Variants in ZSCAN25 observed in about 807,000 individuals in gnomAD.
The protein encoded by ZSCAN25 is zinc finger and SCAN domain containing 25.
Under a neutral mutation model 38.7 loss-of-function variants are expected in ZSCAN25, and 27 were observed. The ratio of observed to expected loss-of-function variants is 0.70; its 90% CI spans 0.51 to 0.96. The LOEUF is 0.96. Among genes scored for constraint, ZSCAN25 ranks in the 40% least tolerant of loss-of-function variants. ZSCAN25 has a pLI of 0.00. For synonymous variants in ZSCAN25, 273 were observed against 277.7 expected (o/e 0.98, Z 0.17); for missense variants, 637 against 705.9 (o/e 0.90, Z 1.11).
the ZSCAN25 span, chr7:99,679,862 C>T: frequency 1.9e-6 from 3 of 1,614,114 alleles, no homozygotes; most frequent in African/African-American, 4.0e-5. Flanking sequence ...CAGGAGAAGC[C>T]AGGTTTCCAC....
chr7:99,672,005 A>C, the ZSCAN25 span: 1 of 587,584 alleles, frequency 1.7e-6, no homozygotes, highest in Middle Eastern at 3.8e-4. Context: ...GTACTATAGT[A>C]TTAGGTTGGT....
At chr7:99,713,381 C>T in the ZSCAN25 span, 37 of 1,586,564 alleles carry the variant, frequency 2.3e-5, no homozygotes, top group Admixed American at 5.0e-5. Flanking sequence ...AAATTCTCAT[C>T]TACCTGGAAT....
In ZSCAN25 at chr7:99,622,215, G is replaced by A. The variant is rs371224110; in HGVS notation, c.590-334G>A. The A allele has an allele frequency of 2.4e-4, 73 of 299,340 alleles. No individual in the cohort carries two copies. The East Asian group carries it at 3.4e-3, about 14-fold the overall frequency. 18.5% of individuals were successfully genotyped at this position (299,340 alleles called of 1,614,324 possible). ...GCTGGGATTACAGGCATGAGCCACC[G>A]CGCCCAGCCCACGTAGCTTTATTTT... On this transcript the variant is annotated intron_variant, in intron 5 of 7. Transcript: ENST00000394152.
chr7:99,644,726 C>A, the ZSCAN25 span, among the ~76,000 whole-genome samples: 2 of 152,148 alleles, frequency 1.3e-5, no homozygotes, highest in Non-Finnish European at 2.9e-5. Flanking sequence ...ATTATGATAG[C>A]CGATTTCCTG....
chr7:99,713,456 A>G, the ZSCAN25 span: 20 of 1,612,840 alleles, frequency 1.2e-5, no homozygotes, highest in East Asian at 4.5e-4. Context: ...CCTCAGAAGC[A>G]CTCTTTTGTT....
the ZSCAN25 span, chr7:99,709,324 A>T: frequency 1.6e-5 from 25 of 1,571,342 alleles, no homozygotes; most frequent in South Asian, 2.4e-4. Flanking sequence ...AACTCAGTCC[A>T]TGTAGTACTG....
chr7:99,700,023 G>T, the ZSCAN25 span: 1 of 1,610,494 alleles, frequency 6.2e-7, no homozygotes, highest in Non-Finnish European at 8.5e-7. Flanking sequence ...CCAAATTTGG[G>T]ATGAGGTCCA....
At chr7:99,708,985 G>A in the ZSCAN25 span, 6 of 1,593,344 alleles carry the variant, frequency 3.8e-6, no homozygotes, top group Admixed American at 3.3e-5. Flanking sequence ...GGCAGAATAT[G>A]CTTGAACCAG....
downstream of ZSCAN25, among the ~76,000 whole-genome samples, chr7:99,635,576 CT>C: frequency 6.6e-6 from 1 of 152,266 alleles, no homozygotes; most frequent in East Asian, 1.9e-4. Flanking sequence ...TTCCTTCCCC[CT>C]CCCCCATTTC....
the ZSCAN25 span, chr7:99,734,964 G>C: frequency 1.9e-6 from 3 of 1,610,500 alleles, no homozygotes; most frequent in East Asian, 6.7e-5. Context: ...GGAAAGAGAG[G>C]CCTGATTAGC....
At chr7:99,622,352 C>T (rs2151266807) in intron 5 of ZSCAN25, 197 bp from the exon 6 acceptor site, 2 of 618,654 alleles carry the variant, frequency 3.2e-6, no homozygotes, top group Admixed American at 2.8e-5. Context: ...GACACCCAGG[C>T]CCCAGCTGAG....
chr7:99,709,413 A>C, the ZSCAN25 span: 1 of 1,240,072 alleles, frequency 8.1e-7, no homozygotes, highest in Non-Finnish European at 1.1e-6. Flanking sequence ...AATAACTGTC[A>C]TGCCCTTTGA....
chr7:99,622,375 G>GAC, intron 5 of ZSCAN25, 174 bp from the exon 6 acceptor site: 1 of 675,702 alleles, frequency 1.5e-6, no homozygotes, highest in Non-Finnish European at 2.6e-6. Flanking sequence ...TAGGGCAAGG[G>GAC]ACACCCAGGC....
chr7:99,714,497 A>G, the ZSCAN25 span: 3 of 1,603,374 alleles, frequency 1.9e-6, no homozygotes, highest in Non-Finnish European at 1.7e-6. Context: ...GATCATATGT[A>G]TATTTCTAAA....
chr7:99,624,141 G>A lies in ZSCAN25; in HGVS notation c.766G>A (p.Gly256Arg). Residue 256 changes from glycine to arginine, a missense_variant, in exon 7 of 8, where the codon GGG (glycine) becomes AGG (arginine). Transcript: ENST00000394152. ...HVTPAQIDCF[G>R]EYVEPQDCRV... is the part of the protein sequence containing the mutation. ...GACCCCAGCCCAGATAGACTGCTTT[G>A]GGGAGTATGTGGAACCGCAGGACTG... 1.2e-6 allele frequency: 2 copies of A among 1,613,986 alleles called. No individual in the cohort carries two copies. Among genetic ancestry groups the A allele is most frequent in the Non-Finnish European group, 1.7e-6 (2 of 1,179,958 alleles).
chr7:99,699,509 C>T, the ZSCAN25 span, among the ~76,000 whole-genome samples: 1 of 152,118 alleles, frequency 6.6e-6, no homozygotes, highest in Non-Finnish European at 1.5e-5. Flanking sequence ...AAAACTTCTA[C>T]ACATCTCTTC....
At chr7:99,737,330 G>C in the ZSCAN25 span, among the ~76,000 whole-genome samples, 1 of 152,146 alleles carries the variant, frequency 6.6e-6, no homozygotes, top group Non-Finnish European at 1.5e-5. Flanking sequence ...CAAATAGTAA[G>C]ACTCAAGGCT....
At chr7:99,701,440 T>C in the ZSCAN25 span, among the ~76,000 whole-genome samples, 1 of 152,244 alleles carries the variant, frequency 6.6e-6, no homozygotes, top group Non-Finnish European at 1.5e-5. Context: ...CTCTTCAATA[T>C]ATGGATTTCC....
At chr7:99,720,234 G>C in the ZSCAN25 span, 2 of 1,556,210 alleles carry the variant, frequency 1.3e-6, no homozygotes, top group Non-Finnish European at 1.7e-6. Flanking sequence ...TTAGGCAACT[G>C]TCTATGAATA....
Sources: gnomAD v4.1 joint callset for allele counts (sites outside exome capture counted in the v4.1 genomes callset) on GRCh38, gnomAD v4.1.1 for gene constraint, MANE v1.5 for transcripts, NCBI Gene and HGNC (gene_info 2026-07-23, HGNC 2026-07-21) for gene names.